ZNF638: variants seen among roughly 807,000 people sequenced by gnomAD.
ZNF638 encodes the protein CTCL tumor antigen se33-1.
ZNF638 carries 46 observed loss-of-function variants against 195.6 expected under a neutral mutation model. The ratio of observed to expected loss-of-function variants is 0.24; its 90% CI spans 0.19 to 0.30. ZNF638 has a LOEUF of 0.30. Among genes scored for constraint, ZNF638 ranks in the 10% least tolerant of loss-of-function variants. The pLI, the probability that ZNF638 is intolerant of heterozygous loss-of-function variation, is 1.00. For missense variants in ZNF638, 2,440 were observed against 2,325.3 expected, an observed-to-expected ratio of 1.05 and a Z score of -1.01; for synonymous variants, 845 against 772.0, an observed-to-expected ratio of 1.09 and a Z score of -1.57.
At chr2:71,425,553 C>T (rs2080522553) in intron 23 of ZNF638, among the ~76,000 whole-genome samples, 2 of 152,062 alleles carry the variant, frequency 1.3e-5, no homozygotes, top group Admixed American at 6.6e-5. Context: ...TTACTATTGA[C>T]GGCATTTTTA....
rs2080477097 is a variant in ZNF638 at position 71,423,692 on chromosome 2, G to A, written c.4178G>A (p.Ser1393Asn). The change falls in exon 22 of 28, where the codon AGC becomes AAC. Residue 1393 changes from serine (S) to asparagine (N), a missense_variant. By Grantham distance (46) the Ser-to-Asn change is conservative (BLOSUM62 1). Coordinates refer to ENST00000264447, the MANE Select transcript of ZNF638 (RefSeq NM_014497.5). ...AVSDVSSSKPSIKAVIVSSPK... is the reference protein window; with the variant it reads ...AVSDVSSSKPNIKAVIVSSPK... ...TCAGATGTATCTAGCAGTAAACCAA[G>A]CATCAAGGCTGTTATAGTCTCTTCT... The A allele has an allele frequency of 6.2e-7, 1 of 1,613,846 alleles. No individual in the cohort carries two copies. Among genetic ancestry groups the A allele is most frequent in the Non-Finnish European group, 8.5e-7 (1 of 1,180,002 alleles).
intron 8 of ZNF638, among the ~76,000 whole-genome samples, chr2:71,374,488 T>C (rs533939319): frequency 6.6e-6 from 1 of 152,366 alleles, no homozygotes; most frequent in African/African-American, 2.4e-5. Flanking sequence ...TAAATTCATT[T>C]TGTTTAATCT....
intron 12 of ZNF638, among the ~76,000 whole-genome samples, chr2:71,399,099 C>T (rs1466628026): frequency 1.3e-5 from 2 of 152,202 alleles, no homozygotes; most frequent in East Asian, 3.9e-4. Flanking sequence ...ATTGCCCTCT[C>T]CAGTTTGTAC....
At chr2:71,340,674 G>A (rs1211185518) in intron 1 of ZNF638, among the ~76,000 whole-genome samples, 1 of 152,120 alleles carries the variant, frequency 6.6e-6, no homozygotes, top group African/African-American at 2.4e-5. Flanking sequence ...ATGTTATAGG[G>A]TGGTTTTTCT....
rs532297169 is a variant in ZNF638 at position 71,401,117 on chromosome 2, T to C, written c.2697+599T>C. ...AGTAGTAACTAAGTAGTAAGTCTTA[T>C]TTTAGGAAGAGTATTTTATAGCACC... On this transcript the variant is annotated intron_variant, in intron 15 of 27. Coordinates refer to ENST00000264447, the MANE Select transcript of ZNF638 (RefSeq NM_014497.5). Among the ~76,000 whole-genome samples the C allele has an allele frequency of 3.1e-4, 47 of 152,272 alleles. 1 individual carries two copies. The East Asian group carries it at 3.9e-3, about 13-fold the overall frequency.
intron 1 of ZNF638, among the ~76,000 whole-genome samples, chr2:71,335,857 C>T (rs972731807): frequency 2.0e-5 from 3 of 152,158 alleles, no homozygotes; most frequent in Admixed American, 6.5e-5. Context: ...CTACCTCCCA[C>T]CCCCATGCAT....
chr2:71,369,187 T>C (rs1044812097), intron 7 of ZNF638, among the ~76,000 whole-genome samples: 61 of 151,710 alleles, frequency 4.0e-4, no homozygotes, highest in African/African-American at 1.4e-3. Context: ...ATACAAAAAT[T>C]AGCCAGACAT....
chr2:71,382,936 T>G (rs1299928098), intron 10 of ZNF638, among the ~76,000 whole-genome samples: 1 of 152,198 alleles, frequency 6.6e-6, no homozygotes, highest in East Asian at 1.9e-4. Context: ...AAAAGAAGCC[T>G]CACATTTGTG....
intron 3 of ZNF638, chr2:71,361,710 G>A (rs1442431843): frequency 6.6e-6 from 1 of 152,216 alleles, no homozygotes; most frequent in African/African-American, 2.4e-5. Flanking sequence ...GAAGAATGAG[G>A]CAGACGCTTT....
intron 20 of ZNF638, chr2:71,408,669 G>T: frequency 2.6e-6 from 1 of 384,786 alleles, no homozygotes; most frequent in South Asian, 2.1e-5. Flanking sequence ...ACAGGTTCTT[G>T]GCCTACACAG....
intron 10 of ZNF638, among the ~76,000 whole-genome samples, chr2:71,392,681 C>T (rs1018667631): frequency 4.6e-5 from 7 of 152,074 alleles, no homozygotes; most frequent in Admixed American, 6.6e-5. Flanking sequence ...GCCACCCAGT[C>T]GCTTCAGTTT....
At chr2:71,373,584 A>G (rs1333320575) in intron 8 of ZNF638, among the ~76,000 whole-genome samples, 3 of 151,284 alleles carry the variant, frequency 2.0e-5, no homozygotes, top group African/African-American at 7.3e-5. Context: ...ACCTGGGACT[A>G]CAGGTGCTCG....
intron 10 of ZNF638, among the ~76,000 whole-genome samples, chr2:71,389,263 C>T (rs919403919): frequency 3.3e-5 from 5 of 152,116 alleles, no homozygotes; most frequent in Non-Finnish European, 7.4e-5. Flanking sequence ...AGGCAAGTGG[C>T]ATTAGAAGGG....
intron 20 of ZNF638, among the ~76,000 whole-genome samples, chr2:71,411,300 A>G (rs1573142988): frequency 6.6e-6 from 1 of 151,378 alleles, no homozygotes; most frequent in Admixed American, 6.6e-5. Context: ...GCCTGGCCCC[A>G]GGGAAGTTTT....
At position 71,434,014 on chromosome 2, in the gene ZNF638, T is replaced by C. The variant is rs769918748; in HGVS notation, c.5872-728T>C. ...ATTTCATTCTAGGCCCAAGCTCTTATACATTGTGCTTTGCTACCTGTGTGC... is the reference window on the plus strand; with the variant it reads ...ATTTCATTCTAGGCCCAAGCTCTTACACATTGTGCTTTGCTACCTGTGTGC... On this transcript the variant is annotated intron_variant, in intron 27 of 27. Coordinates refer to ENST00000264447, the MANE Select transcript of ZNF638 (RefSeq NM_014497.5). 1.2e-3 allele frequency among the ~76,000 whole-genome samples: 181 copies of C among 152,246 alleles called. 1 individual carries two copies. The highest frequency in any genetic ancestry group is 5.6e-4 in the Non-Finnish European group (38 of 68,038).
chr2:71,335,016 C>G (rs2078641129), intron 1 of ZNF638, among the ~76,000 whole-genome samples: 1 of 151,956 alleles, frequency 6.6e-6, no homozygotes, highest in Non-Finnish European at 1.5e-5. Flanking sequence ...AAAAGAAAGT[C>G]CAGGAAACAG....
At chr2:71,383,770 T>C (rs1259190247) in intron 10 of ZNF638, among the ~76,000 whole-genome samples, 1 of 137,992 alleles carries the variant, frequency 7.2e-6, no homozygotes, top group Non-Finnish European at 1.6e-5. Context: ...TTCTTTTTTT[T>C]TTTTTTTTTT....
Position 71,427,293 on chromosome 2 carries a change from T to C in ZNF638, c.5424T>C (p.Asn1808=). 3 of 1,613,518 alleles carry C rather than the reference T, an allele frequency of 1.9e-6. No individual in the cohort carries two copies. Among genetic ancestry groups the C allele is most frequent in the East Asian group, 2.2e-5 (1 of 44,856 alleles). ...KNDHPTDKKG[N]RKKRAVDTKK... is the part of the protein sequence containing the mutation. Reference sequence around the variant, plus strand: ...ACCATCCCACAGATAAAAAAGGGAATAGAAAGAAGAGAGCTGTGGACACAA... The same window carrying C: ...ACCATCCCACAGATAAAAAAGGGAACAGAAAGAAGAGAGCTGTGGACACAA... The change falls in exon 24 of 28, where the codon AAT becomes AAC. Residue 1808 remains asparagine, a synonymous_variant. Coordinates refer to ENST00000264447, the MANE Select transcript of ZNF638 (RefSeq NM_014497.5).
Position 71,424,754 on chromosome 2 carries a change from T to C in ZNF638, c.4590+39T>C, listed in dbSNP as rs762195725. 1.7e-5 allele frequency: 25 copies of C among 1,499,002 alleles called. No individual in the cohort carries two copies. In the South Asian group the frequency reaches 2.3e-4, roughly 14 times the overall value. 92.9% of individuals were successfully genotyped at this position (1,499,002 alleles called of 1,614,324 possible). On this transcript the variant is annotated intron_variant, in intron 23 of 27. Transcript: ENST00000264447. ...CACAGACCCTAACCCTTCTTTTTCA[T>C]CTCCATAGCACAGTTCATCTATCTT...
Sources: gnomAD v4.1 joint callset for allele counts (sites outside exome capture counted in the v4.1 genomes callset) on GRCh38, gnomAD v4.1.1 for gene constraint, MANE v1.5 for transcripts, NCBI Gene and HGNC (gene_info 2026-07-23, HGNC 2026-07-21) for gene names.